SNIP1: variants seen among roughly 807,000 people sequenced by gnomAD.
SNIP1 encodes Smad nuclear interacting protein 1, also known as smad nuclear-interacting protein 1.
Under a neutral mutation model 37.4 loss-of-function variants are expected in SNIP1, and 23 were observed. That is an observed-to-expected ratio of 0.61 (90% CI 0.44 to 0.87). The LOEUF (loss-of-function observed/expected upper bound fraction) is 0.87. Ranked by LOEUF, SNIP1 falls within the 40% of genes least tolerant of loss-of-function variation. The probability of loss-of-function intolerance (pLI) is 0.00; values close to 1 mark genes in which losing one functional copy is unlikely to be tolerated. For missense variants in SNIP1, 459 were observed against 540.4 expected (o/e 0.85, Z 1.49); for synonymous variants, 174 against 200.0 (o/e 0.87, Z 1.10).
intron 3 of SNIP1, among the ~76,000 whole-genome samples, chr1:37,538,520 A>AAG (rs1643128109): frequency 6.6e-6 from 1 of 151,706 alleles, no homozygotes; most frequent in Non-Finnish European, 1.5e-5. Flanking sequence ...AAAAAAAAAA[A>AAG]AAAAAAAAAG....
At chr1:37,549,368 A>G (rs1183711138) in intron 2 of SNIP1, among the ~76,000 whole-genome samples, 1 of 152,192 alleles carries the variant, frequency 6.6e-6, no homozygotes, top group Admixed American at 6.5e-5. Context: ...AAAGTCAATT[A>G]TTGCCCCCAA....
rs748361356 is a variant in SNIP1, at chr1:37,552,640, C to G, written c.327+5G>C. ...GGACCCATCAAAACACCCCAATCCA[C>G]TTACCTGCTTCACTTTGACTGTTGA... is the stretch of plus-strand genomic sequence containing the variant. On this transcript the variant is annotated splice_donor_5th_base_variant and intron_variant, in intron 2 of 3. Transcript: ENST00000296215. 1.0e-4 allele frequency: 164 copies of G among 1,613,382 alleles called. No individual in the cohort carries two copies. Among genetic ancestry groups the G allele is most frequent in the Non-Finnish European group, 1.4e-4 (160 of 1,179,382 alleles).
chr1:37,545,649 C>T (rs908445860), intron 2 of SNIP1, among the ~76,000 whole-genome samples: 4 of 151,590 alleles, frequency 2.6e-5, no homozygotes, highest in Non-Finnish European at 5.9e-5. Context: ...TTAAAAAATA[C>T]ATAATAATAA....
Position 37,540,378 on chromosome 1 carries a change from GTCC to G in SNIP1, c.702_704del (p.Glu234del), listed in dbSNP as rs756024639. The G allele has an allele frequency of 6.8e-6, 11 of 1,614,106 alleles. No individual in the cohort carries two copies. Among genetic ancestry groups the G allele is most frequent in the Admixed American group, 1.7e-5 (1 of 60,006 alleles). Reference sequence around the variant, plus strand: ...TGACTACACCCCGGAAAGTGTTGGTGTCCTCAAGAAGTGCCCCAGAAAGTTCAA... The same window carrying G: ...TGACTACACCCCGGAAAGTGTTGGTGTCAAGAAGTGCCCCAGAAAGTTCAA... On this transcript the variant is annotated inframe_deletion, in exon 3 of 4. Coordinates refer to ENST00000296215, the MANE Select transcript of SNIP1 (RefSeq NM_024700.4). This position sits in a 1 kb window ranked among gnomAD's most constrained non-coding sequence, Gnocchi z 5.6.
In SNIP1 at chr1:37,537,895, T is replaced by A; in HGVS notation, c.1044A>T (p.Arg348Ser). 1 of 1,614,198 alleles carries A rather than the reference T, an allele frequency of 6.2e-7. No homozygotes were observed. Among genetic ancestry groups the A allele is most frequent in the South Asian group, 1.1e-5 (1 of 91,078 alleles). ...FLNNKRIEPQRYYELKEKDVL... is the reference protein window; with the variant it reads ...FLNNKRIEPQSYYELKEKDVL... ...CATCCTTTTCTTTTAGTTCATAGTA[T>A]CTCTGTGGCTCAATACGTTTGTTGT... Residue 348 changes from arginine (R) to serine (S), a missense_variant, in exon 4 of 4, where the codon AGA becomes AGT. Physicochemically the swap from Arg to Ser is moderately radical, Grantham distance 110 (BLOSUM62 -1). Transcript: ENST00000296215.
At position 37,545,571 on chromosome 1, in the gene SNIP1, C is replaced by T. The variant is rs190041053; in HGVS notation, c.328-4816G>A. Among the ~76,000 whole-genome samples, 163 of 149,576 alleles carry T rather than the reference C, an allele frequency of 1.1e-3. 1 individual carries two copies. Among genetic ancestry groups the T allele is most frequent in the Admixed American group, 1.6e-3 (24 of 14,936 alleles). The stretch of plus-strand genomic sequence containing the variant: ...AGGTTAAAAATTTTAAAGCAGAGAG[C>T]AGTAAGAGACTTTCAAAATGATTAG... On this transcript the variant is annotated intron_variant, in intron 2 of 3. Coordinates refer to ENST00000296215, the MANE Select transcript of SNIP1 (RefSeq NM_024700.4).
At position 37,540,102 on chromosome 1, in the gene SNIP1, C is replaced by G; in HGVS notation, c.926+55G>C. 6.9e-7 allele frequency: 1 copy of G among 1,456,580 alleles called. No homozygotes were observed. Among genetic ancestry groups the G allele is most frequent in the Non-Finnish European group, 9.3e-7 (1 of 1,075,510 alleles). 90.2% of individuals were successfully genotyped at this position (1,456,580 alleles called of 1,614,324 possible). Reference sequence around the variant, plus strand: ...AACATGAACAAAAATCTTAGTAATCCTAACTGAGTGATTGTTTCTGCTCAC... The same window carrying G: ...AACATGAACAAAAATCTTAGTAATCGTAACTGAGTGATTGTTTCTGCTCAC... On this transcript the variant is annotated intron_variant, in intron 3 of 3. Transcript: ENST00000296215. The surrounding 1 kb of genome is among the most constrained non-coding windows in gnomAD (Gnocchi z 5.6).
At position 37,540,224 on chromosome 1, in the gene SNIP1, G is replaced by A. The variant is rs781712609; in HGVS notation, c.859C>T (p.Arg287Cys). ...TCAATTGGAATGTCTGCAATGCGGCGGTGTCGACCCAGTAGGTACGCACTC... is the reference window on the plus strand; with the variant it reads ...TCAATTGGAATGTCTGCAATGCGGCAGTGTCGACCCAGTAGGTACGCACTC... ...RQSAYLLGRH[R>C]RIADIPIDHP... The change falls in exon 3 of 4, where the codon CGC (arginine) becomes TGC (cysteine). Residue 287 changes from arginine to cysteine, a missense_variant. Arg to Cys is a radical substitution (Grantham distance 180). Transcript: ENST00000296215. This position sits in a 1 kb window ranked among gnomAD's most constrained non-coding sequence, Gnocchi z 5.6. 22 of 1,611,398 alleles carry A rather than the reference G, an allele frequency of 1.4e-5. No individual in the cohort carries two copies. Among genetic ancestry groups the A allele is most frequent in the Non-Finnish European group, 1.2e-5 (14 of 1,177,718 alleles).
intron 2 of SNIP1, chr1:37,544,796 A>G (rs1239619105): frequency 2.7e-6 from 2 of 745,132 alleles, no homozygotes; most frequent in East Asian, 2.5e-5. Context: ...CAGGTGCGCC[A>G]GAACTACCGC....
intron 2 of SNIP1, among the ~76,000 whole-genome samples, chr1:37,547,947 C>T (rs1317003420): frequency 6.6e-6 from 1 of 151,494 alleles, no homozygotes; most frequent in Non-Finnish European, 1.5e-5. Context: ...GAGATGGAGA[C>T]CATCCTGGCT....
chr1:37,548,308 T>C (rs1309118970), intron 2 of SNIP1, among the ~76,000 whole-genome samples: 1 of 151,896 alleles, frequency 6.6e-6, no homozygotes, highest in African/African-American at 2.4e-5. Context: ...ATACTGTTAT[T>C]TGTCTTTTAA....
Position 37,537,703 on chromosome 1 carries a change from T to G in SNIP1, c.*45A>C. ...AGTGCTCTCTGAGTCAATCAAAGAC[T>G]TCCAAGAAGGAAACCGTGTATCAAT... On this transcript the variant is annotated 3_prime_UTR_variant, in exon 4 of 4. Coordinates refer to ENST00000296215, the MANE Select transcript of SNIP1 (RefSeq NM_024700.4). 6.3e-7 allele frequency: 1 copy of G among 1,582,414 alleles called. No homozygotes were observed. The highest frequency in any genetic ancestry group is 8.6e-7 in the Non-Finnish European group (1 of 1,164,406).
rs1643082913 is a variant in SNIP1, at chr1:37,535,689, G to C, written c.*2059C>G. 6.6e-6 allele frequency: 1 copy of C among 152,206 alleles called. No individual in the cohort carries two copies. Among genetic ancestry groups the C allele is most frequent in the Admixed American group, 6.5e-5 (1 of 15,282 alleles). 9.4% of individuals were successfully genotyped at this position (152,206 alleles called of 1,614,324 possible). A position where few individuals can be genotyped will look rare whatever the true frequency, so the allele number is the denominator to read the frequency against. On this transcript the variant is annotated 3_prime_UTR_variant, in exon 4 of 4. Transcript: ENST00000296215. ...AGAGAAAACCGTCAGTCTGGATCAA[G>C]AGAAAAGTTCATCCAAACAAACCTA...
chr1:37,545,316 T>C, intron 2 of SNIP1: 6 of 590,550 alleles, frequency 1.0e-5, no homozygotes, highest in Non-Finnish European at 1.9e-5. Context: ...TAGGCTAATT[T>C]CCCCATAGCC....
intron 2 of SNIP1, chr1:37,545,235 G>T (rs777550246): frequency 1.5e-6 from 1 of 662,602 alleles, no homozygotes; most frequent in Non-Finnish European, 2.8e-6. Context: ...GAGGGCACCC[G>T]AATCTGGCTT....
intron 2 of SNIP1, among the ~76,000 whole-genome samples, chr1:37,550,656 G>C (rs1342740178): frequency 6.6e-6 from 1 of 151,712 alleles, no homozygotes; most frequent in African/African-American, 2.4e-5. Context: ...GCAATGAGCT[G>C]AGATCGCGCC....
chr1:37,538,057 G>A (rs765447737), intron 3 of SNIP1, 45 bp from the exon 4 acceptor site: 38 of 1,541,076 alleles, frequency 2.5e-5, no homozygotes, highest in Middle Eastern at 1.8e-4. Flanking sequence ...TTCTGCCTCA[G>A]ATCATCCAGC....
At chr1:37,552,429 A>G (rs1255512159) in intron 2 of SNIP1, 2 of 532,462 alleles carry the variant, frequency 3.8e-6, no homozygotes, top group African/African-American at 3.8e-5. Context: ...ATGTGAACCA[A>G]TAATAATCTC....
chr1:37,539,534 A>AC (rs1270731842), intron 3 of SNIP1, among the ~76,000 whole-genome samples: 2 of 152,092 alleles, frequency 1.3e-5, no homozygotes, highest in East Asian at 3.9e-4. Flanking sequence ...ATACAATGAA[A>AC]CCCCGTCTCT....
Sources: gnomAD v4.1 joint callset for allele counts (sites outside exome capture counted in the v4.1 genomes callset) on GRCh38, gnomAD v4.1.1 for gene constraint, Gnocchi (gnomAD v3.1) non-coding constraint, MANE v1.5 for transcripts, NCBI Gene and HGNC (gene_info 2026-07-23, HGNC 2026-07-21) for gene names.